Variants in HEMK2 observed in about 807,000 individuals in gnomAD.
The protein encoded by HEMK2 is methyltransferase HEMK2.
the HEMK2 span, among the ~76,000 whole-genome samples, chr21:28,641,515 T>C: frequency 1.3e-5 from 2 of 152,142 alleles, no homozygotes; most frequent in Non-Finnish European, 2.9e-5. Context: ...ACAGAACAGA[T>C]AACCCTAAAC....
the HEMK2 span, among the ~76,000 whole-genome samples, chr21:28,690,350 A>C: frequency 3.3e-5 from 5 of 152,318 alleles, no homozygotes; most frequent in South Asian, 1.0e-3. Flanking sequence ...TGTGGCAATC[A>C]TCTGAATGAA....
At chr21:28,685,967 T>C in the HEMK2 span, among the ~76,000 whole-genome samples, 1 of 152,142 alleles carries the variant, frequency 6.6e-6, no homozygotes, top group South Asian at 2.1e-4. Context: ...AGTACATCCT[T>C]GTGACAGCCT....
At chr21:28,878,230 C>A in the HEMK2 span, 1 of 1,599,028 alleles carries the variant, frequency 6.3e-7, no homozygotes, top group Non-Finnish European at 8.5e-7. Flanking sequence ...ATAGAATAAT[C>A]CTCTTGGTGA....
chr21:28,674,608 T>C, the HEMK2 span: 1 of 152,262 alleles, frequency 6.6e-6, no homozygotes, highest in African/African-American at 2.4e-5. Context: ...TAATTTTTTC[T>C]GGTTTTAGTT....
chr21:28,799,436 A>G, the HEMK2 span, among the ~76,000 whole-genome samples: 320 of 152,324 alleles, frequency 2.1e-3, 4 homozygotes, highest in African/African-American at 7.5e-3. Context: ...TGTGGGAGCT[A>G]TAATTCAAGA....
At chr21:28,696,395 C>G in the HEMK2 span, among the ~76,000 whole-genome samples, 3 of 152,234 alleles carry the variant, frequency 2.0e-5, no homozygotes, top group South Asian at 6.2e-4. Flanking sequence ...AGTCTTTAAA[C>G]CTTAAAGTTC....
chr21:28,670,641 C>T, the HEMK2 span, among the ~76,000 whole-genome samples: 7 of 152,106 alleles, frequency 4.6e-5, no homozygotes, highest in African/African-American at 1.2e-4. Flanking sequence ...TGTATTAGTC[C>T]GTTTTCACAC....
chr21:28,842,888 G>C, the HEMK2 span, among the ~76,000 whole-genome samples: 1 of 152,110 alleles, frequency 6.6e-6, no homozygotes, highest in Admixed American at 6.6e-5. Context: ...AGATGGATAT[G>C]TAAAAACCTG....
At chr21:28,678,325 G>A in the HEMK2 span, among the ~76,000 whole-genome samples, 5 of 152,112 alleles carry the variant, frequency 3.3e-5, no homozygotes, top group South Asian at 2.1e-4. Flanking sequence ...GAAATGAAAC[G>A]AGAAGAGAAG....
chr21:28,613,647 T>G, the HEMK2 span, among the ~76,000 whole-genome samples: 15 of 94,596 alleles, frequency 1.6e-4, no homozygotes, highest in Non-Finnish European at 3.5e-4. Context: ...TTTTTTTTTT[T>G]GCCCTTAACC....
the HEMK2 span, among the ~76,000 whole-genome samples, chr21:28,612,613 C>T: frequency 4.5e-3 from 679 of 152,206 alleles, 5 homozygotes; most frequent in African/African-American, 0.015. Flanking sequence ...AAATAAAGGG[C>T]TTCCAAATAG....
the HEMK2 span, among the ~76,000 whole-genome samples, chr21:28,781,578 T>C: frequency 2.0e-5 from 3 of 152,188 alleles, no homozygotes; most frequent in Non-Finnish European, 4.4e-5. Flanking sequence ...AAAAGGTACA[T>C]AGAGCAAATT....
At chr21:28,613,939 C>G in the HEMK2 span, among the ~76,000 whole-genome samples, 1 of 78 alleles carries the variant, frequency 0.013, no homozygotes, top group Admixed American at 0.25. Flanking sequence ...ATACCCATGA[C>G]TTTCTCCCCA....
chr21:28,826,386 C>T, the HEMK2 span, among the ~76,000 whole-genome samples: 1 of 152,214 alleles, frequency 6.6e-6, no homozygotes, highest in Admixed American at 6.5e-5. Context: ...ATGACTAAAA[C>T]ACTAAAGGAC....
the HEMK2 span, among the ~76,000 whole-genome samples, chr21:28,795,804 G>A: frequency 6.6e-6 from 1 of 152,048 alleles, no homozygotes; most frequent in Non-Finnish European, 1.5e-5. Flanking sequence ...AAGGAAATTT[G>A]GTTTACAATT....
chr21:28,619,686 C>T, the HEMK2 span, among the ~76,000 whole-genome samples: 14 of 152,210 alleles, frequency 9.2e-5, no homozygotes, highest in South Asian at 2.9e-3. Context: ...ATTTTTGTTA[C>T]AAAAGGACTG....
the HEMK2 span, among the ~76,000 whole-genome samples, chr21:28,701,104 C>T: frequency 6.6e-6 from 1 of 152,114 alleles, no homozygotes; most frequent in Non-Finnish European, 1.5e-5. Flanking sequence ...AACATGCCTT[C>T]ATGATGAAAA....
At chr21:28,848,748 T>A in the HEMK2 span, among the ~76,000 whole-genome samples, 2 of 152,210 alleles carry the variant, frequency 1.3e-5, no homozygotes, top group African/African-American at 4.8e-5. Context: ...ATTCAACAAC[T>A]GAAAATCTAA....
At chr21:28,848,821 T>C in the HEMK2 span, among the ~76,000 whole-genome samples, 4 of 152,158 alleles carry the variant, frequency 2.6e-5, no homozygotes, top group African/African-American at 9.7e-5. Flanking sequence ...CAACTATGAA[T>C]ACACACATGG....
Sources: allele counts gnomAD v4.1 joint callset (sites outside exome capture counted in the v4.1 genomes callset), GRCh38; gene constraint gnomAD v4.1.1; transcripts MANE v1.5; gene names NCBI Gene and HGNC (gene_info 2026-07-23, HGNC 2026-07-21).